The following FARP2 variants were observed in gnomAD, a reference collection of about 807,000 sequenced individuals.
FARP2 encodes the protein FERM, ARH/RhoGEF and pleckstrin domain protein 2.
In FARP2, 111 loss-of-function variants were observed where a neutral mutation model predicts 130.5. The observed-to-expected ratio is 0.85, with a 90% CI of 0.73 to 1.00. The LOEUF is 1.00. Ranked by LOEUF, FARP2 falls within the 50% of genes least tolerant of loss-of-function variation. FARP2 has a pLI of 0.00. For missense variants in FARP2, 1,385 were observed against 1,346.3 expected, an observed-to-expected ratio of 1.03 and a Z score of -0.45; for synonymous variants, 504 against 516.9, an observed-to-expected ratio of 0.98 and a Z score of 0.34.
At chr2:241,421,429 G>A (rs985071092) in intron 8 of FARP2, among the ~76,000 whole-genome samples, 1 of 152,224 alleles carries the variant, frequency 6.6e-6, no homozygotes, top group Non-Finnish European at 1.5e-5. Flanking sequence ...AGACCCACTG[G>A]CTTGGAATTC....
chr2:241,491,231 T>A, intron 23 of FARP2, 52 bp downstream of exon 23: 1 of 1,320,606 alleles, frequency 7.6e-7, no homozygotes, highest in Non-Finnish European at 1.1e-6. Context: ...CTAAGGAGGC[T>A]TTTTTTGGAA....
chr2:241,483,402 C>A, intron 19 of FARP2, 63 bp from the exon 20 acceptor site: 1 of 1,398,690 alleles, frequency 7.1e-7, no homozygotes, highest in Non-Finnish European at 1.0e-6. Flanking sequence ...ACCCTCAGCC[C>A]GGCTAGTGCA....
intron 8 of FARP2, among the ~76,000 whole-genome samples, chr2:241,418,832 G>A (rs187409531): frequency 2.0e-5 from 3 of 152,250 alleles, no homozygotes; most frequent in East Asian, 3.9e-4. Flanking sequence ...AAGCTCTTGC[G>A]GGGGCTCCCC....
rs2061176112 is a variant in FARP2, at chr2:241,361,091, TGG to T, written c.-25+4704_-25+4705del. On this transcript the variant is annotated intron_variant, in intron 1 of 26. Transcript: ENST00000264042. The stretch of plus-strand genomic sequence containing the variant: ...TGTACTGCTATATTGATTATTTTTC[TGG>T]TAACTGATCTATTCGCTTATATTTT... Among the ~76,000 whole-genome samples the T allele has an allele frequency of 3.4e-4, 51 of 152,148 alleles. 2 individuals carry two copies. In the South Asian group the frequency reaches 0.01, roughly 31 times the overall value.
chr2:241,491,143 G>A lies in FARP2; in HGVS notation c.2587G>A (p.Ala863Thr), dbSNP rs1384651936. The stretch of plus-strand genomic sequence containing the variant: ...CAAGAGTGGCGGTGACACGGCCCCT[G>A]CACTGCCAGGCCGCACTGTGTGCAC... ...AAKSGGDTAP[A>T]LPGRTVCTRP... Residue 863 changes from alanine (A) to threonine (T), a missense_variant, in exon 23 of 27, where the codon GCA becomes ACA. Coordinates refer to ENST00000264042, the MANE Select transcript of FARP2 (RefSeq NM_014808.4). 5.6e-6 allele frequency: 9 copies of A among 1,613,116 alleles called. No individual in the cohort carries two copies. Among genetic ancestry groups the A allele is most frequent in the Non-Finnish European group, 7.6e-6 (9 of 1,179,862 alleles).
At chr2:241,478,428 C>G (rs919514815) in intron 19 of FARP2, 1 of 248,186 alleles carries the variant, frequency 4.0e-6, no homozygotes. Flanking sequence ...GGTAGCTTGT[C>G]CAAATGGCTC....
chr2:241,388,902 A>G (rs904260067), intron 2 of FARP2, among the ~76,000 whole-genome samples: 1 of 152,188 alleles, frequency 6.6e-6, no homozygotes, highest in African/African-American at 2.4e-5. Flanking sequence ...CTTACCACCA[A>G]TATGGTGGTA....
intron 4 of FARP2, among the ~76,000 whole-genome samples, chr2:241,406,367 TTATATA>T (rs142541198): frequency 6.7e-6 from 1 of 150,198 alleles, no homozygotes; most frequent in Non-Finnish European, 1.5e-5. Context: ...CTCTCTCTCT[TTATATA>T]TATATATATG....
chr2:241,401,144 C>T (rs1030085647), intron 2 of FARP2, among the ~76,000 whole-genome samples: 6 of 152,158 alleles, frequency 3.9e-5, no homozygotes, highest in Non-Finnish European at 4.4e-5. Flanking sequence ...ACTTTCATTC[C>T]GTATGCTGCT....
At chr2:241,400,230 A>G (rs1285420369) in intron 2 of FARP2, among the ~76,000 whole-genome samples, 1 of 38,054 alleles carries the variant, frequency 2.6e-5, no homozygotes, top group African/African-American at 1.1e-4. Flanking sequence ...TAGTTGAAAA[A>G]GGGTACAGCT....
intron 2 of FARP2, among the ~76,000 whole-genome samples, chr2:241,389,205 C>T (rs531865020): frequency 7.9e-5 from 12 of 151,892 alleles, no homozygotes; most frequent in South Asian, 4.2e-4. Context: ...TGCTTGAACC[C>T]GGGAGGCAGA....
chr2:241,362,733 A>G (rs2150281419), intron 1 of FARP2, among the ~76,000 whole-genome samples: 1 of 152,312 alleles, frequency 6.6e-6, no homozygotes, highest in African/African-American at 2.4e-5. Context: ...GGTAGCCCCT[A>G]TCAGTTAAGA....
intron 1 of FARP2, among the ~76,000 whole-genome samples, chr2:241,363,843 G>A (rs2061245159): frequency 6.6e-6 from 1 of 152,280 alleles, no homozygotes; most frequent in Admixed American, 6.5e-5. Context: ...CTCTAAGAGT[G>A]TGATGTTAAA....
In FARP2 at chr2:241,403,846, G is replaced by T. The variant is rs777486994; in HGVS notation, c.202G>T (p.Val68Leu). Reference protein sequence around the residue: ...FDIEPKCDGQVLLTQVWKRLN... With the variant: ...FDIEPKCDGQLLLTQVWKRLN... Reference sequence around the variant, plus strand: ...TGCACAGCCTAAATGCGATGGCCAGGTATTACTGACACAAGTGTGGAAGCG... The same window carrying T: ...TGCACAGCCTAAATGCGATGGCCAGTTATTACTGACACAAGTGTGGAAGCG... Residue 68 changes from valine (V) to leucine (L), a missense_variant, in exon 3 of 27, where the codon GTA becomes TTA. Physicochemically the swap from Val to Leu is conservative, Grantham distance 32. Coordinates refer to ENST00000264042, the MANE Select transcript of FARP2 (RefSeq NM_014808.4). 2.5e-5 allele frequency: 40 copies of T among 1,612,870 alleles called. No homozygotes were observed. In the Middle Eastern group the frequency reaches 4.9e-4, roughly 20 times the overall value.
intron 13 of FARP2, chr2:241,441,821 A>C: frequency 1.8e-6 from 1 of 565,474 alleles, no homozygotes. Context: ...ATAGACGATG[A>C]CCCAGCAGAC....
intron 2 of FARP2, among the ~76,000 whole-genome samples, chr2:241,378,109 AT>A (rs201386350): frequency 1.1e-4 from 16 of 148,320 alleles, no homozygotes; most frequent in South Asian, 4.3e-4. Context: ...TTATTTTATT[AT>A]TTTTTTTTTG....
At chr2:241,366,138 T>TATATATACAC (rs1491421503) in intron 1 of FARP2, among the ~76,000 whole-genome samples, 1 of 138,442 alleles carries the variant, frequency 7.2e-6, no homozygotes, top group East Asian at 2.1e-4. Context: ...TATATATATA[T>TATATATACAC]ACACACACAC....
chr2:241,470,628 G>A (rs1465090925), intron 18 of FARP2, among the ~76,000 whole-genome samples: 10 of 150,932 alleles, frequency 6.6e-5, no homozygotes, highest in Non-Finnish European at 1.0e-4. Context: ...CTTTTTTGAG[G>A]GGGACACTGT....
chr2:241,409,105 C>T (rs2062447532), intron 5 of FARP2, among the ~76,000 whole-genome samples: 1 of 151,640 alleles, frequency 6.6e-6, no homozygotes, highest in African/African-American at 2.4e-5. Context: ...AACAAAGTGT[C>T]CCCTCATTCA....
Sources: allele counts gnomAD v4.1 joint callset (sites outside exome capture counted in the v4.1 genomes callset), GRCh38; gene constraint gnomAD v4.1.1; transcripts MANE v1.5; gene names NCBI Gene and HGNC (gene_info 2026-07-23, HGNC 2026-07-21).